Variants in GRAMD4 observed in about 807,000 individuals in gnomAD.
The protein encoded by GRAMD4 is GRAM domain containing 4, also known as GRAM domain-containing protein 4.
GRAMD4 carries 25 observed loss-of-function variants against 83.9 expected under a neutral mutation model. That is an observed-to-expected ratio of 0.30 (90% CI 0.22 to 0.42). The LOEUF (loss-of-function observed/expected upper bound fraction) is 0.42. Ranked by LOEUF, GRAMD4 falls within the 10% of genes least tolerant of loss-of-function variation. GRAMD4 has a pLI of 1.00. For synonymous variants in GRAMD4, 336 were observed against 320.9 expected (o/e 1.05, Z -0.50); for missense variants, 593 against 788.7 (o/e 0.75, Z 2.97).
intron 1 of GRAMD4, among the ~76,000 whole-genome samples, chr22:46,604,988 G>A (rs1182722785): frequency 1.0e-5 from 1 of 95,460 alleles, no homozygotes; most frequent in African/African-American, 5.6e-5. Context: ...CCAGGTTTTG[G>A]TGCCATAATG....
chr22:46,637,776 C>T, intron 2 of GRAMD4, 64 bp from the exon 3 acceptor site: 1 of 1,580,354 alleles, frequency 6.3e-7, no homozygotes, highest in Non-Finnish European at 8.6e-7. Flanking sequence ...TCTGGGGGAA[C>T]TGAGTGGTGC....
intron 13 of GRAMD4, among the ~76,000 whole-genome samples, chr22:46,670,161 A>T (rs1269853269): frequency 6.6e-6 from 1 of 152,236 alleles, no homozygotes; most frequent in East Asian, 1.9e-4. Context: ...GCAGAGGAGC[A>T]GTGGGGGCTG....
intron 1 of GRAMD4, among the ~76,000 whole-genome samples, chr22:46,600,951 T>C (rs1602317994): frequency 1.3e-5 from 2 of 151,972 alleles, no homozygotes; most frequent in South Asian, 4.2e-4. Flanking sequence ...CAAGACCAGC[T>C]TGGCCAATAT....
rs1006384213 is a variant in GRAMD4, at chr22:46,622,813, G to C, written c.-50+2248G>C. 6.6e-6 allele frequency among the ~76,000 whole-genome samples: 1 copy of C among 151,726 alleles called. No individual in the cohort carries two copies. The highest frequency in any genetic ancestry group is 2.4e-5 in the African/African-American group (1 of 41,282). On this transcript the variant is annotated intron_variant, in intron 1 of 18. Transcript: ENST00000406902. This position sits in a 1 kb window ranked among gnomAD's most constrained non-coding sequence, Gnocchi z 4.0. Reference sequence around the variant, plus strand: ...TGTAGTCCCAGCTACTCGGGAGGCTGAGGCAGGAGAATGGCGTGAACCCAG... The same window carrying C: ...TGTAGTCCCAGCTACTCGGGAGGCTCAGGCAGGAGAATGGCGTGAACCCAG...
intron 4 of GRAMD4, 123 bp downstream of exon 4, chr22:46,658,430 G>A (rs2147327968): frequency 1.0e-6 from 1 of 1,001,418 alleles, no homozygotes; most frequent in East Asian, 2.6e-5. Flanking sequence ...CCCTGGAGAG[G>A]CCTGAGTGTG....
At chr22:46,577,468 C>T (rs901159639) in intron 1 of GRAMD4, among the ~76,000 whole-genome samples, 8 of 149,828 alleles carry the variant, frequency 5.3e-5, no homozygotes, top group African/African-American at 1.9e-4. Context: ...GCGCGCCCCG[C>T]ACACGCCCCC....
chr22:46,654,041 G>A (rs762290827), intron 3 of GRAMD4, among the ~76,000 whole-genome samples: 15 of 152,200 alleles, frequency 9.9e-5, no homozygotes, highest in Non-Finnish European at 1.9e-4. Context: ...GAGAAACACC[G>A]GCTGACGGGG....
At position 46,674,557 on chromosome 22, in the gene GRAMD4, G is replaced by A. The variant is rs575765334; in HGVS notation, c.1385-100G>A. The A allele has an allele frequency of 9.1e-5, 78 of 855,730 alleles. 1 individual carries two copies. The highest frequency in any genetic ancestry group is 7.4e-4 in the South Asian group (55 of 74,224). The allele number at this position is 855,730 out of a possible 1,614,324, so 53.0% of individuals were successfully genotyped here. ...TGGGTGTGACGTGAGCGCGGTGGGC[G>A]GATGTCAGGATCTGAGAGTCAGGCT... On this transcript the variant is annotated intron_variant, in intron 15 of 18. Coordinates refer to ENST00000406902, the MANE Select transcript of GRAMD4 (RefSeq NM_015124.5).
chr22:46,596,315 T>A (rs547204493), intron 1 of GRAMD4, among the ~76,000 whole-genome samples: 48 of 152,342 alleles, frequency 3.2e-4, no homozygotes, highest in African/African-American at 1.2e-3. Context: ...CAGACGTAAG[T>A]GTGGCCAGGA....
intron 2 of GRAMD4, among the ~76,000 whole-genome samples, chr22:46,636,569 C>T (rs920432733): frequency 3.2e-4 from 48 of 152,246 alleles, no homozygotes; most frequent in Non-Finnish European, 2.1e-4. Context: ...TGCGGTGCTG[C>T]TCCGGGTGGC....
At chr22:46,661,064 A>G (rs2082319370) in intron 4 of GRAMD4, among the ~76,000 whole-genome samples, 1 of 152,198 alleles carries the variant, frequency 6.6e-6, no homozygotes, top group Non-Finnish European at 1.5e-5. Context: ...TCATTAGCAG[A>G]CGGGTTGGTG....
chr22:46,611,815 T>C (rs1422418731), intron 1 of GRAMD4, among the ~76,000 whole-genome samples: 5 of 148,894 alleles, frequency 3.4e-5, no homozygotes, highest in Non-Finnish European at 7.4e-5. Context: ...ATGGTGAAAT[T>C]CCATCTTTAC....
rs954414239 is a variant in GRAMD4, at chr22:46,678,002, G to A, written c.*751G>A. ...CTGCCTGCTGCTCTCGGCCTGACAC[G>A]CCGGCCAGGAGGTCTGTAGCTGGGG... is the stretch of plus-strand genomic sequence containing the variant. On this transcript the variant is annotated 3_prime_UTR_variant, in exon 19 of 19. Coordinates refer to ENST00000406902, the MANE Select transcript of GRAMD4 (RefSeq NM_015124.5). The A allele has an allele frequency of 2.0e-5, 20 of 985,626 alleles. No individual in the cohort carries two copies. The highest frequency in any genetic ancestry group is 1.1e-4 in the East Asian group (1 of 8,838). The allele number at this position is 985,626 out of a possible 1,614,324, so 61.1% of individuals were successfully genotyped here. A position where few individuals can be genotyped will look rare whatever the true frequency, so the allele number is the denominator to read the frequency against.
chr22:46,638,051 T>TGGCGAAGACCCACGCAGGCTCC, intron 3 of GRAMD4, 91 bp downstream of exon 3: 1 of 1,398,206 alleles, frequency 7.2e-7, no homozygotes, highest in East Asian at 2.4e-5. Context: ...GAGCTGGGTC[T>TGGCGAAGACCCACGCAGGCTCC]GGTGAAGACC....
intron 1 of GRAMD4, among the ~76,000 whole-genome samples, chr22:46,586,278 C>T (rs567417745): frequency 1.1e-4 from 16 of 152,372 alleles, no homozygotes; most frequent in African/African-American, 2.6e-4. Flanking sequence ...TCCTCCCCAC[C>T]GCCCCACGTG....
At chr22:46,680,584 A>G (rs112582400), downstream of GRAMD4, among the ~76,000 whole-genome samples, 107 of 141,696 alleles carry the variant, frequency 7.6e-4, 1 homozygote, top group African/African-American at 2.4e-3. Context: ...CCATCCATCC[A>G]TCCATCCATC....
intron 14 of GRAMD4, 86 bp from the exon 15 acceptor site, chr22:46,673,584 T>C: frequency 1.3e-6 from 2 of 1,487,650 alleles, no homozygotes; most frequent in Non-Finnish European, 1.8e-6. Context: ...ATCCCAGCTT[T>C]TGGGGAGGTG....
intron 1 of GRAMD4, among the ~76,000 whole-genome samples, chr22:46,583,088 C>T (rs2081114058): frequency 6.6e-6 from 1 of 152,158 alleles, no homozygotes; most frequent in Admixed American, 6.5e-5. Context: ...CCATGCCTGG[C>T]TAATTTTGTA....
chr22:46,660,294 C>G (rs1429509644), intron 4 of GRAMD4, among the ~76,000 whole-genome samples: 1 of 152,166 alleles, frequency 6.6e-6, no homozygotes, highest in Non-Finnish European at 1.5e-5. Context: ...TAAGGGCTCT[C>G]CCCTGCTTTA....
Sources: allele counts gnomAD v4.1 joint callset (sites outside exome capture counted in the v4.1 genomes callset), GRCh38; gene constraint gnomAD v4.1.1; non-coding constraint Gnocchi (gnomAD v3.1); transcripts MANE v1.5; gene names NCBI Gene and HGNC (gene_info 2026-07-23, HGNC 2026-07-21).